Variants in CACNA2D1 observed in about 807,000 individuals in gnomAD.
CACNA2D1 encodes the protein calcium voltage-gated channel auxiliary subunit alpha2delta 1, also known as voltage-dependent calcium channel subunit alpha-2/delta-1.
CACNA2D1 carries 53 observed loss-of-function variants against 171.5 expected under a neutral mutation model. The observed-to-expected ratio is 0.31, with a 90% CI of 0.25 to 0.39. The LOEUF is 0.39. Ranked by LOEUF, CACNA2D1 falls within the 10% of genes least tolerant of loss-of-function variation. The probability of loss-of-function intolerance (pLI) is 1.00; values close to 1 mark genes in which losing one functional copy is unlikely to be tolerated. For synonymous variants in CACNA2D1, 442 were observed against 443.1 expected (o/e 1.00, Z 0.03); for missense variants, 903 against 1,299.8 (o/e 0.69, Z 4.69).
chr7:82,265,947 A>G (rs1259326381), intron 3 of CACNA2D1, among the ~76,000 whole-genome samples: 2 of 151,936 alleles, frequency 1.3e-5, no homozygotes, highest in Non-Finnish European at 2.9e-5. Flanking sequence ...TATTGCTCCA[A>G]CTCCGTCTGT....
chr7:81,950,522 A>T lies in CACNA2D1; in HGVS notation c.3160-14T>A. On this transcript the variant is annotated splice_polypyrimidine_tract_variant and intron_variant, in intron 38 of 38. Coordinates refer to ENST00000356860, the MANE Select transcript of CACNA2D1 (RefSeq NM_000722.4). ...AGTATAATCCTCCTGTTGTTAAAAA[A>T]AAAAGAAAAGAACAGAAAAAGAAAA... 1 of 1,603,964 alleles carries T rather than the reference A, an allele frequency of 6.2e-7. No homozygotes were observed. Among genetic ancestry groups the T allele is most frequent in the South Asian group, 1.1e-5 (1 of 88,920 alleles).
chr7:82,099,755 C>A (rs1425191806), intron 6 of CACNA2D1, among the ~76,000 whole-genome samples: 1 of 151,902 alleles, frequency 6.6e-6, no homozygotes, highest in East Asian at 1.9e-4. Flanking sequence ...GGCCGCAATA[C>A]CTTCTTAAAC....
intron 1 of CACNA2D1, among the ~76,000 whole-genome samples, chr7:82,353,530 A>G (rs1820082568): frequency 6.6e-6 from 1 of 152,090 alleles, no homozygotes; most frequent in African/African-American, 2.4e-5. Context: ...ATAACTCCCA[A>G]AGGAGAGTGT....
intron 3 of CACNA2D1, among the ~76,000 whole-genome samples, chr7:82,265,687 G>A (rs927349576): frequency 6.6e-6 from 1 of 151,852 alleles, no homozygotes; most frequent in Non-Finnish European, 1.5e-5. Context: ...TTATTTAGCT[G>A]TCTCGAAGAT....
intron 3 of CACNA2D1, among the ~76,000 whole-genome samples, chr7:82,191,269 A>G (rs1433987367): frequency 6.6e-6 from 1 of 151,798 alleles, no homozygotes; most frequent in Non-Finnish European, 1.5e-5. Context: ...ACATCTTTGC[A>G]TCTATTCAAT....
chr7:82,371,216 A>T (rs532969306), intron 1 of CACNA2D1, among the ~76,000 whole-genome samples: 40 of 152,338 alleles, frequency 2.6e-4, no homozygotes, highest in Non-Finnish European at 3.8e-4. Context: ...TCACAGAAAG[A>T]GTGTACTAAT....
chr7:82,147,736 T>C (rs1793310108), intron 4 of CACNA2D1, among the ~76,000 whole-genome samples: 1 of 152,180 alleles, frequency 6.6e-6, no homozygotes, highest in Admixed American at 6.5e-5. Context: ...ATTATTATCC[T>C]ACTAAAACAA....
At position 81,978,753 on chromosome 7, in the gene CACNA2D1, G is replaced by GTGTGTGTATATATA. The variant is rs145105210; in HGVS notation, c.1955+3813_1955+3814insTATATATACACACA. ...TTAAAGTAAATTTTTTTTAAAAAGT[G>GTGTGTGTATATATA]TATATATATATATATATACACACAC... is the stretch of plus-strand genomic sequence containing the variant. On this transcript the variant is annotated intron_variant, in intron 24 of 38. Transcript: ENST00000356860. Among the ~76,000 whole-genome samples the GTGTGTGTATATATA allele has an allele frequency of 8.9e-3, 1,248 of 139,452 alleles. 10 individuals carry two copies. The highest frequency in any genetic ancestry group is 0.034 in the East Asian group (159 of 4,688). The allele number at this position is 139,452 out of a possible 152,430, so 91.5% of individuals were successfully genotyped here.
At chr7:82,377,492 C>T (rs1823149810) in intron 1 of CACNA2D1, among the ~76,000 whole-genome samples, 2 of 152,082 alleles carry the variant, frequency 1.3e-5, no homozygotes, top group Admixed American at 1.3e-4. Flanking sequence ...TTGGCTTTTT[C>T]TCCCTAAATT....
chr7:82,062,661 C>T (rs1228857622), intron 9 of CACNA2D1, among the ~76,000 whole-genome samples: 1 of 137,166 alleles, frequency 7.3e-6, no homozygotes, highest in Admixed American at 7.6e-5. Flanking sequence ...AGGTTTGTTA[C>T]ATACGTATAC....
At chr7:81,951,971 T>TTTTTTG (rs1554321676) in intron 38 of CACNA2D1, among the ~76,000 whole-genome samples, 3 of 130,664 alleles carry the variant, frequency 2.3e-5, no homozygotes, top group Admixed American at 7.9e-5. Flanking sequence ...TACAAAGTGT[T>TTTTTTG]TTTTTTTTTT....
intron 6 of CACNA2D1, among the ~76,000 whole-genome samples, chr7:82,111,384 GTGTATATATGTA>G (rs1342520163): frequency 2.6e-4 from 33 of 128,026 alleles, no homozygotes; most frequent in Non-Finnish European, 4.1e-4. Context: ...ATTCATATAT[GTGTATATATGTA>G]TATATATATT....
intron 1 of CACNA2D1, among the ~76,000 whole-genome samples, chr7:82,433,147 C>T (rs1829848598): frequency 6.6e-6 from 1 of 151,188 alleles, no homozygotes; most frequent in Admixed American, 6.6e-5. Flanking sequence ...GAGATCACAC[C>T]ACTGCACTCC....
At chr7:82,210,895 C>G (rs77101298) in intron 3 of CACNA2D1, among the ~76,000 whole-genome samples, 12,869 of 152,054 alleles carry the variant, frequency 0.085, 732 homozygotes, top group Non-Finnish European at 0.11. Flanking sequence ...AATGGGTTAA[C>G]TGCTTAATAT....
chr7:82,103,206 G>A (rs1812896490), intron 6 of CACNA2D1, among the ~76,000 whole-genome samples: 1 of 152,204 alleles, frequency 6.6e-6, no homozygotes, highest in Non-Finnish European at 1.5e-5. Flanking sequence ...TACTCAGGAG[G>A]CTGAGAGAAG....
At chr7:82,136,888 C>A (rs1791684298) in intron 4 of CACNA2D1, among the ~76,000 whole-genome samples, 1 of 151,992 alleles carries the variant, frequency 6.6e-6, no homozygotes, top group South Asian at 2.1e-4. Flanking sequence ...GGAAAAAGAT[C>A]CCAGTGTAAG....
intron 27 of CACNA2D1, among the ~76,000 whole-genome samples, chr7:81,970,297 C>T (rs983009910): frequency 2.6e-5 from 4 of 150,962 alleles, no homozygotes; most frequent in South Asian, 2.1e-4. Context: ...TGGACTGTTA[C>T]GAAGATAATA....
At position 81,968,976 on chromosome 7, in the gene CACNA2D1, A is replaced by C; in HGVS notation, c.2309-3T>G. 8.2e-7 allele frequency: 1 copy of C among 1,216,394 alleles called. No homozygotes were observed. Among genetic ancestry groups the C allele is most frequent in the Non-Finnish European group, 1.2e-6 (1 of 862,838 alleles). The allele number at this position is 1,216,394 out of a possible 1,614,324, so 75.4% of individuals were successfully genotyped here. A position where few individuals can be genotyped will look rare whatever the true frequency, so the allele number is the denominator to read the frequency against. On this transcript the variant is annotated splice_region_variant and splice_polypyrimidine_tract_variant and intron_variant, in intron 28 of 38. Coordinates refer to ENST00000356860, the MANE Select transcript of CACNA2D1 (RefSeq NM_000722.4). ...TTCATAGGCACCAGGTCCACTTTCT[A>C]AAAAAAAAATAAATAAATAAAACAC... is the stretch of plus-strand genomic sequence containing the variant.
intron 3 of CACNA2D1, among the ~76,000 whole-genome samples, chr7:82,202,847 C>A (rs1403442001): frequency 6.6e-6 from 1 of 152,036 alleles, no homozygotes; most frequent in Non-Finnish European, 1.5e-5. Flanking sequence ...CCTCAGAGGT[C>A]CTCCCAGAGG....
Sources: allele counts gnomAD v4.1 joint callset (sites outside exome capture counted in the v4.1 genomes callset), GRCh38; gene constraint gnomAD v4.1.1; transcripts MANE v1.5; gene names NCBI Gene and HGNC (gene_info 2026-07-23, HGNC 2026-07-21).